The following RIN2 variants were observed in gnomAD, a reference collection of about 807,000 sequenced individuals.
The protein encoded by RIN2 is Ras and Rab interactor 2.
A neutral mutation model predicts 78.0 loss-of-function variants in RIN2; 36 were observed. The ratio of observed to expected loss-of-function variants is 0.46; its 90% CI spans 0.35 to 0.61. The LOEUF (loss-of-function observed/expected upper bound fraction) is 0.61. Ranked by LOEUF, RIN2 falls within the 20% of genes least tolerant of loss-of-function variation. The pLI, the probability that RIN2 is intolerant of heterozygous loss-of-function variation, is 0.00. For synonymous variants in RIN2, 466 were observed against 466.8 expected (o/e 1.00, Z 0.02); for missense variants, 1,087 against 1,159.7 (o/e 0.94, Z 0.91).
At chr20:19,942,353 G>A (rs1293209823) in intron 4 of RIN2, among the ~76,000 whole-genome samples, 1 of 152,174 alleles carries the variant, frequency 6.6e-6, no homozygotes, top group Non-Finnish European at 1.5e-5. Context: ...TTTCATTAAC[G>A]AATAAGAAGT....
At chr20:19,881,813 A>G (rs561625296) in intron 2 of RIN2, among the ~76,000 whole-genome samples, 1 of 152,358 alleles carries the variant, frequency 6.6e-6, no homozygotes, top group African/African-American at 2.4e-5. Flanking sequence ...CTAATGACAT[A>G]GGCTGTTAGT....
At chr20:19,872,688 C>G (rs973467203) in intron 2 of RIN2, among the ~76,000 whole-genome samples, 4 of 152,314 alleles carry the variant, frequency 2.6e-5, no homozygotes. Context: ...CCCAGCTATA[C>G]ATGTTCAGTC....
At chr20:19,964,552 T>A (rs544818691) in intron 6 of RIN2, among the ~76,000 whole-genome samples, 2 of 152,240 alleles carry the variant, frequency 1.3e-5, no homozygotes, top group South Asian at 2.1e-4. Context: ...GGGAAGTGTG[T>A]GTCCTAGGAG....
chr20:19,899,997 G>C lies in RIN2; in HGVS notation c.57+10339G>C, dbSNP rs2038908221. Among the ~76,000 whole-genome samples the C allele has an allele frequency of 2.0e-5, 3 of 152,120 alleles. No homozygotes were observed. In the South Asian group the frequency reaches 6.2e-4, roughly 32 times the overall value. On this transcript the variant is annotated intron_variant, in intron 3 of 12. Transcript: ENST00000255006. ...CCAAACAGAAATAAAATGAGTGAGT[G>C]GGCCTGGCATCAGACAGGTGGGATT...
chr20:19,816,986 T>C (rs1412703915), intron 2 of RIN2, among the ~76,000 whole-genome samples: 2 of 152,170 alleles, frequency 1.3e-5, no homozygotes, highest in African/African-American at 4.8e-5. Context: ...AATATAATCA[T>C]GTAGAGAAAA....
intron 2 of RIN2, among the ~76,000 whole-genome samples, chr20:19,874,080 GTGTGTT>G (rs899257198): frequency 6.6e-6 from 1 of 152,016 alleles, no homozygotes; most frequent in African/African-American, 2.4e-5. Flanking sequence ...GTGTGTGTGT[GTGTGTT>G]TGTGTGTGTT....
At chr20:19,858,908 G>A (rs1205406801) in intron 2 of RIN2, among the ~76,000 whole-genome samples, 5 of 152,296 alleles carry the variant, frequency 3.3e-5, no homozygotes, top group South Asian at 2.1e-4. Flanking sequence ...CAGGGGGCTC[G>A]GGACATGCAG....
intron 1 of RIN2, among the ~76,000 whole-genome samples, chr20:19,760,165 C>G (rs1256084094): frequency 6.6e-6 from 1 of 152,232 alleles, no homozygotes; most frequent in Non-Finnish European, 1.5e-5. Flanking sequence ...TGCTTTGGCA[C>G]CTCCAGAGAG....
At chr20:19,941,414 G>A (rs763410497) in intron 4 of RIN2, among the ~76,000 whole-genome samples, 4 of 152,192 alleles carry the variant, frequency 2.6e-5, no homozygotes, top group Admixed American at 2.0e-4. Flanking sequence ...CCACATTAGC[G>A]ACTCTGTGGC....
chr20:19,908,922 T>C (rs1382370325), intron 3 of RIN2, among the ~76,000 whole-genome samples: 3 of 152,204 alleles, frequency 2.0e-5, no homozygotes. Flanking sequence ...TGGAGTGCAA[T>C]GGCCTGATCT....
chr20:19,812,531 A>T (rs142313790), intron 2 of RIN2, among the ~76,000 whole-genome samples: 118 of 152,262 alleles, frequency 7.7e-4, no homozygotes, highest in African/African-American at 2.8e-3. Context: ...TGTCTGTTCA[A>T]ATCTTTTGCT....
chr20:19,834,168 GATC>G (rs1232148979), intron 2 of RIN2, among the ~76,000 whole-genome samples: 1 of 152,130 alleles, frequency 6.6e-6, no homozygotes, highest in African/African-American at 2.4e-5. Context: ...CTAGTTAATG[GATC>G]AGCCCATAGG....
intron 1 of RIN2, among the ~76,000 whole-genome samples, chr20:19,782,555 T>TA (rs781338372): frequency 0.025 from 3,350 of 134,876 alleles, 73 homozygotes; most frequent in South Asian, 0.077. Flanking sequence ...GACTCTGTCT[T>TA]AAAAAAAAAA....
chr20:19,852,194 G>A (rs6136858), intron 2 of RIN2, among the ~76,000 whole-genome samples: 39 of 152,308 alleles, frequency 2.6e-4, no homozygotes, highest in Middle Eastern at 3.4e-3. Flanking sequence ...CTGCCTCTAC[G>A]TGGGGAACTG....
chr20:19,816,786 A>C (rs961930946), intron 2 of RIN2, among the ~76,000 whole-genome samples: 2 of 152,236 alleles, frequency 1.3e-5, no homozygotes, highest in Admixed American at 6.5e-5. Flanking sequence ...TTGAGACAAG[A>C]GGACATTGAT....
intron 3 of RIN2, among the ~76,000 whole-genome samples, chr20:19,925,492 C>G (rs891874831): frequency 6.6e-6 from 1 of 151,920 alleles, no homozygotes; most frequent in South Asian, 2.1e-4. Flanking sequence ...ATTTAAAAGG[C>G]AGAAAAACAA....
intron 4 of RIN2, among the ~76,000 whole-genome samples, chr20:19,951,727 G>A (rs1238829495): frequency 1.1e-4 from 16 of 152,128 alleles, no homozygotes; most frequent in Admixed American, 9.8e-4. Flanking sequence ...TCAAAAGGGC[G>A]AGGCTCAGAA....
chr20:19,955,307 T>A (rs2041488905), intron 4 of RIN2, among the ~76,000 whole-genome samples: 1 of 152,192 alleles, frequency 6.6e-6, no homozygotes, highest in Admixed American at 6.5e-5. Context: ...TATGGCTGAA[T>A]AATATTCCAT....
At chr20:19,886,806 C>A in intron 2 of RIN2, 1 of 1,379,934 alleles carries the variant, frequency 7.2e-7, no homozygotes, top group Non-Finnish European at 1.0e-6. Context: ...CTTAGTCTAG[C>A]CTGTTACTGG....
Sources: allele counts gnomAD v4.1 joint callset (sites outside exome capture counted in the v4.1 genomes callset), GRCh38; gene constraint gnomAD v4.1.1; transcripts MANE v1.5; gene names NCBI Gene and HGNC (gene_info 2026-07-23, HGNC 2026-07-21).